CAMSAP2: variants seen among roughly 807,000 people sequenced by gnomAD.
CAMSAP2 encodes calmodulin regulated spectrin associated protein family member 2, also known as calmodulin-regulated spectrin-associated protein 2.
In CAMSAP2, 26 loss-of-function variants were observed where a neutral mutation model predicts 146.1. The observed-to-expected ratio is 0.18, with a 90% CI of 0.13 to 0.25. CAMSAP2 has a LOEUF of 0.25. Ranked by LOEUF, CAMSAP2 falls within the 10% of genes least tolerant of loss-of-function variation. The pLI is 1.00. For synonymous variants in CAMSAP2, 499 were observed against 596.6 expected (o/e 0.84, Z 2.38); for missense variants, 1,381 against 1,759.3 (o/e 0.78, Z 3.85).
At chr1:200,782,338 G>A (rs1454162693) in intron 2 of CAMSAP2, among the ~76,000 whole-genome samples, 4 of 152,052 alleles carry the variant, frequency 2.6e-5, no homozygotes, top group Admixed American at 6.5e-5. Context: ...TACATAAAAT[G>A]TACCCATTTA....
Position 200,853,512 on chromosome 1 carries a change from T to C in CAMSAP2, c.3823+17T>C, listed in dbSNP as rs1387085088. The C allele has an allele frequency of 6.4e-7, 1 of 1,569,566 alleles. No individual in the cohort carries two copies. Among genetic ancestry groups the C allele is most frequent in the Admixed American group, 1.7e-5 (1 of 58,390 alleles). ...GTCCTCCAGGTAACATAGCTTATTATGAAGAGTCTGTTCATAAAAAACACC... is the reference window on the plus strand; with the variant it reads ...GTCCTCCAGGTAACATAGCTTATTACGAAGAGTCTGTTCATAAAAAACACC... On this transcript the variant is annotated intron_variant, in intron 13 of 16. Coordinates refer to ENST00000358823, the MANE Select transcript of CAMSAP2 (RefSeq NM_203459.4). The surrounding 1 kb of genome is among the most constrained non-coding windows in gnomAD (Gnocchi z 5.1).
intron 2 of CAMSAP2, among the ~76,000 whole-genome samples, chr1:200,765,652 A>C (rs1664929954): frequency 6.6e-6 from 1 of 152,202 alleles, no homozygotes; most frequent in South Asian, 2.1e-4. Flanking sequence ...AAGTGTTCTA[A>C]CTTTAAGCAA....
At chr1:200,823,725 G>C in intron 4 of CAMSAP2, among the ~76,000 whole-genome samples, 1 of 152,086 alleles carries the variant, frequency 6.6e-6, no homozygotes, top group East Asian at 1.9e-4. Flanking sequence ...TAAATTTACT[G>C]GTTTTCCCTT....
In CAMSAP2 at chr1:200,739,162, A is replaced by C. The variant is rs1289684255; in HGVS notation, c.-666A>C. On this transcript the variant is annotated 5_prime_UTR_variant, in exon 1 of 17. Transcript: ENST00000358823. The surrounding 1 kb of genome is among the most constrained non-coding windows in gnomAD (Gnocchi z 4.8). ...GAGACGGCGACGGGAGGGAGCACAG[A>C]GGAGGGGACGGGCCGGCGGCGGCCT... Among the ~76,000 whole-genome samples the C allele has an allele frequency of 3.3e-5, 5 of 151,420 alleles. No individual in the cohort carries two copies. Among genetic ancestry groups the C allele is most frequent in the African/African-American group, 1.2e-4 (5 of 41,158 alleles).
intron 15 of CAMSAP2, among the ~76,000 whole-genome samples, chr1:200,856,363 G>A (rs1206194650): frequency 6.6e-6 from 1 of 152,208 alleles, no homozygotes; most frequent in Non-Finnish European, 1.5e-5. Context: ...GTTTGGGTCC[G>A]AAGAAGTTTT....
chr1:200,766,534 C>T (rs983547643), intron 2 of CAMSAP2, among the ~76,000 whole-genome samples: 12 of 152,184 alleles, frequency 7.9e-5, no homozygotes, highest in Non-Finnish European at 1.2e-4. Context: ...AGGAAAGGAT[C>T]ATCCCTTTTC....
At chr1:200,834,086 G>A (rs867085594) in intron 6 of CAMSAP2, among the ~76,000 whole-genome samples, 4 of 152,148 alleles carry the variant, frequency 2.6e-5, no homozygotes, top group Middle Eastern at 3.4e-3. Flanking sequence ...AATCATGGCT[G>A]AGCATGGTGG....
intron 2 of CAMSAP2, among the ~76,000 whole-genome samples, chr1:200,790,035 G>A (rs1483219089): frequency 1.3e-5 from 2 of 152,156 alleles, no homozygotes; most frequent in African/African-American, 2.4e-5. Context: ...GGTAAGGTGT[G>A]GGGGAGAGGA....
intron 1 of CAMSAP2, among the ~76,000 whole-genome samples, chr1:200,746,248 G>C (rs951331872): frequency 3.3e-5 from 5 of 152,224 alleles, no homozygotes; most frequent in African/African-American, 1.2e-4. Flanking sequence ...AAACCACAGG[G>C]AAGTTATTAT....
At chr1:200,847,391 T>TTGTG (rs71138304) in intron 9 of CAMSAP2, 99 bp downstream of exon 9, 6 of 736,372 alleles carry the variant, frequency 8.1e-6, no homozygotes, top group Middle Eastern at 2.9e-4. Context: ...CAGGGTTTTT[T>TTGTG]TGTGTGTGTG....
At position 200,853,265 on chromosome 1, in the gene CAMSAP2, G is replaced by T; in HGVS notation, c.3603-10G>T. Reference sequence around the variant, plus strand: ...TGCAGAATAAGAACTGTAACCATTTGATTTCTTAGGCGTAAAACTGAGGAA... The same window carrying T: ...TGCAGAATAAGAACTGTAACCATTTTATTTCTTAGGCGTAAAACTGAGGAA... On this transcript the variant is annotated splice_polypyrimidine_tract_variant and intron_variant, in intron 12 of 16. Coordinates refer to ENST00000358823, the MANE Select transcript of CAMSAP2 (RefSeq NM_203459.4). The surrounding 1 kb of genome is among the most constrained non-coding windows in gnomAD (Gnocchi z 5.1). The T allele has an allele frequency of 6.2e-7, 1 of 1,610,478 alleles. No individual in the cohort carries two copies. The highest frequency in any genetic ancestry group is 1.1e-5 in the South Asian group (1 of 90,922).
chr1:200,816,101 C>G (rs1666475438), intron 4 of CAMSAP2, among the ~76,000 whole-genome samples: 1 of 151,812 alleles, frequency 6.6e-6, no homozygotes, highest in Non-Finnish European at 1.5e-5. Flanking sequence ...CAAGACCAGC[C>G]TGACAAACAT....
At chr1:200,796,522 G>C (rs1665888535) in intron 2 of CAMSAP2, among the ~76,000 whole-genome samples, 2 of 152,154 alleles carry the variant, frequency 1.3e-5, no homozygotes, top group African/African-American at 4.8e-5. Flanking sequence ...GATTCTGATA[G>C]AGATCACATT....
rs759365247 is a variant in CAMSAP2, at chr1:200,849,218, C to A, written c.2449C>A (p.Arg817=). The A allele has an allele frequency of 1.2e-6, 2 of 1,613,648 alleles. No homozygotes were observed. The highest frequency in any genetic ancestry group is 1.7e-5 in the Admixed American group (1 of 59,966). ...GAEDEKVYTD[R]AKEKESQKTD... ...AGAAGATGAGAAAGTATATACTGAT[C>A]GAGCAAAAGAAAAGGAATCACAAAA... Residue 817 remains arginine (R), a synonymous_variant, in exon 11 of 17, where the codon CGA becomes AGA. Coordinates refer to ENST00000358823, the MANE Select transcript of CAMSAP2 (RefSeq NM_203459.4). This position sits in a 1 kb window ranked among gnomAD's most constrained non-coding sequence, Gnocchi z 6.3.
intron 2 of CAMSAP2, among the ~76,000 whole-genome samples, chr1:200,805,495 A>G (rs1476878052): frequency 8.5e-5 from 13 of 152,248 alleles, no homozygotes; most frequent in Non-Finnish European, 8.8e-5. Flanking sequence ...TGTCAGAGAA[A>G]TCAGTGGTTC....
At chr1:200,819,360 A>G (rs986237180) in intron 4 of CAMSAP2, among the ~76,000 whole-genome samples, 4 of 152,214 alleles carry the variant, frequency 2.6e-5, no homozygotes, top group Admixed American at 2.6e-4. Context: ...AATGCCAGAG[A>G]AACAACAAAT....
chr1:200,856,978 C>T (rs1428331752), intron 15 of CAMSAP2, among the ~76,000 whole-genome samples: 1 of 152,140 alleles, frequency 6.6e-6, no homozygotes, highest in African/African-American at 2.4e-5. Context: ...TTAAATTACT[C>T]ATGGACCCAT....
intron 4 of CAMSAP2, among the ~76,000 whole-genome samples, chr1:200,818,392 CT>C (rs1666663980): frequency 6.6e-6 from 1 of 152,108 alleles, no homozygotes; most frequent in African/African-American, 2.4e-5. Context: ...CACGTATTAA[CT>C]GTACAACTAG....
intron 2 of CAMSAP2, among the ~76,000 whole-genome samples, chr1:200,779,940 A>C (rs576819235): frequency 6.6e-6 from 1 of 152,270 alleles, no homozygotes; most frequent in African/African-American, 2.4e-5. Context: ...AGGTTCAGAA[A>C]TTATTTGGCT....
Sources: allele counts gnomAD v4.1 joint callset (sites outside exome capture counted in the v4.1 genomes callset), GRCh38; gene constraint gnomAD v4.1.1; non-coding constraint Gnocchi (gnomAD v3.1); transcripts MANE v1.5; gene names NCBI Gene and HGNC (gene_info 2026-07-23, HGNC 2026-07-21).